CPLX2: variants seen among roughly 807,000 people sequenced by gnomAD.
The protein encoded by CPLX2 is complexin 2.
Under a neutral mutation model 16.3 loss-of-function variants are expected in CPLX2, and 5 were observed. The observed-to-expected ratio is 0.31, with a 90% CI of 0.16 to 0.64. The LOEUF is 0.64. Ranked by LOEUF, CPLX2 falls within the 30% of genes least tolerant of loss-of-function variation. The pLI is 0.79. For missense variants in CPLX2, 144 were observed against 181.4 expected, an observed-to-expected ratio of 0.79 and a Z score of 1.18; for synonymous variants, 89 against 73.2, an observed-to-expected ratio of 1.22 and a Z score of -1.10.
At chr5:175,802,408 T>C (rs1758116119) in intron 1 of CPLX2, among the ~76,000 whole-genome samples, 1 of 152,198 alleles carries the variant, frequency 6.6e-6, no homozygotes, top group Non-Finnish European at 1.5e-5. Context: ...AAACTGTTCC[T>C]CAGACATTCA....
chr5:175,844,445 T>G (rs1409045715), intron 2 of CPLX2, among the ~76,000 whole-genome samples: 1 of 152,236 alleles, frequency 6.6e-6, no homozygotes, highest in Non-Finnish European at 1.5e-5. Flanking sequence ...GAGCCTGCTC[T>G]CTTGAGGCTT....
At position 175,879,102 on chromosome 5, in the gene CPLX2, C is replaced by CCCGT. The variant is rs1561793483; in HGVS notation, c.207+22_207+25dup. The CCCGT allele has an allele frequency of 6.4e-7, 1 of 1,551,824 alleles. No individual in the cohort carries two copies. Among genetic ancestry groups the CCCGT allele is most frequent in the African/African-American group, 1.4e-5 (1 of 73,424 alleles). On this transcript the variant is annotated intron_variant, in intron 3 of 3. Transcript: ENST00000393745. ...AGATAAGGTCAGCTCCGCCCGCCCGCCCGTCCTGGGGAGGGCCACAAGCGG... is the reference window on the plus strand; with the variant it reads ...AGATAAGGTCAGCTCCGCCCGCCCGCCCGTCCGTCCTGGGGAGGGCCACAAGCGG...
At chr5:175,844,764 C>G (rs1308661999) in intron 2 of CPLX2, among the ~76,000 whole-genome samples, 1 of 152,240 alleles carries the variant, frequency 6.6e-6, no homozygotes, top group African/African-American at 2.4e-5. Flanking sequence ...TTTTTAAAAG[C>G]AGGGCGTGGA....
At chr5:175,824,684 G>A (rs1003273315) in intron 2 of CPLX2, among the ~76,000 whole-genome samples, 1 of 152,242 alleles carries the variant, frequency 6.6e-6, no homozygotes, top group Non-Finnish European at 1.5e-5. Flanking sequence ...CTACGCACCA[G>A]ACCCACTAGA....
rs573101148 is a variant in CPLX2 at position 175,842,227 on chromosome 5, C to A, written c.-89+33159C>A. ...TGGGGGCCATAAGGCCACATTTCAACCGAAAACAGCAGGTGGTAATCATTT... is the reference window on the plus strand; with the variant it reads ...TGGGGGCCATAAGGCCACATTTCAAACGAAAACAGCAGGTGGTAATCATTT... On this transcript the variant is annotated intron_variant, in intron 2 of 4. Coordinates refer to the CPLX2 transcript ENST00000359546. 5.3e-5 allele frequency among the ~76,000 whole-genome samples: 8 copies of A among 152,324 alleles called. No homozygotes were observed. The South Asian group carries it at 1.7e-3, about 32-fold the overall frequency.
At chr5:175,825,936 G>GAAAAAAAAAAAAAAAA (rs1758605266) in intron 2 of CPLX2, among the ~76,000 whole-genome samples, 1 of 15,206 alleles carries the variant, frequency 6.6e-5, no homozygotes, top group African/African-American at 7.8e-4. Context: ...ATGAATAAGT[G>GAAAAAAAAAAAAAAAA]CAAAAAAAAA....
chr5:175,798,131 AAGG>A (rs1417436235), intron 1 of CPLX2, among the ~76,000 whole-genome samples: 2 of 152,184 alleles, frequency 1.3e-5, no homozygotes, highest in African/African-American at 4.8e-5. Flanking sequence ...TCCCACATGC[AAGG>A]AGAATAGCAG....
chr5:175,846,013 G>C (rs557507085), intron 2 of CPLX2, among the ~76,000 whole-genome samples: 2 of 152,220 alleles, frequency 1.3e-5, no homozygotes, highest in South Asian at 4.2e-4. Flanking sequence ...ACCTTAGTGA[G>C]GGCACTAAGG....
intron 2 of CPLX2, among the ~76,000 whole-genome samples, chr5:175,823,788 G>A (rs1206706161): frequency 6.6e-6 from 1 of 152,096 alleles, no homozygotes; most frequent in Non-Finnish European, 1.5e-5. Context: ...ACTACTTGAG[G>A]TGACAGCACA....
chr5:175,821,996 C>T (rs1394474121), intron 2 of CPLX2, among the ~76,000 whole-genome samples: 7 of 152,158 alleles, frequency 4.6e-5, no homozygotes, highest in Admixed American at 6.5e-5. Context: ...CCTTGAAATA[C>T]GATCATGCAA....
intron 3 of CPLX2, 63 bp downstream of exon 3, chr5:175,879,146 A>C (rs1581107449): frequency 6.7e-7 from 1 of 1,488,970 alleles, no homozygotes; most frequent in Non-Finnish European, 9.0e-7. Flanking sequence ...GGTCCAGCTA[A>C]AGCCCCTGCT....
intron 2 of CPLX2, among the ~76,000 whole-genome samples, chr5:175,851,546 G>A (rs933482928): frequency 2.6e-5 from 4 of 152,202 alleles, no homozygotes; most frequent in African/African-American, 7.2e-5. Context: ...TGTGAAATGG[G>A]CGTAATAACT....
At chr5:175,867,381 A>C (rs975862262), upstream of CPLX2, among the ~76,000 whole-genome samples, 1 of 152,100 alleles carries the variant, frequency 6.6e-6, no homozygotes, top group African/African-American at 2.4e-5. Flanking sequence ...TTTCATACTG[A>C]TGGTAACACC....
intron 2 of CPLX2, among the ~76,000 whole-genome samples, chr5:175,833,947 C>G (rs1026228416): frequency 2.6e-5 from 4 of 152,100 alleles, no homozygotes; most frequent in African/African-American, 9.7e-5. Flanking sequence ...CACTTAGTTT[C>G]CATGCATGGC....
chr5:175,876,600 G>C (rs1581105466), intron 1 of CPLX2, among the ~76,000 whole-genome samples: 1 of 152,246 alleles, frequency 6.6e-6, no homozygotes, highest in Admixed American at 6.5e-5. Context: ...ATGGGAGAAA[G>C]GGCCTGGAAG....
chr5:175,812,462 T>C (rs1758329151), intron 2 of CPLX2, among the ~76,000 whole-genome samples: 1 of 152,234 alleles, frequency 6.6e-6, no homozygotes, highest in Non-Finnish European at 1.5e-5. Flanking sequence ...GTACAGATTT[T>C]AGACATCAGT....
chr5:175,871,444 A>AGGGAGAGAGAGAGAGG, upstream of CPLX2: 1 of 91,290 alleles, frequency 1.1e-5, no homozygotes, highest in Non-Finnish European at 2.6e-5. Context: ...AGAGAGAGAG[A>AGGGAGAGAGAGAGAGG]GAGAGAGAGA....
In CPLX2 at chr5:175,818,755, G is replaced by A. The variant is rs531765054; in HGVS notation, c.-89+9687G>A. On this transcript the variant is annotated intron_variant, in intron 2 of 4. Coordinates refer to the CPLX2 transcript ENST00000359546. ...CGGTTCACTGCAACCTCTGTCTCCC[G>A]GGTTCAAGCGATTCTCCTGCCTCAG... Among the ~76,000 whole-genome samples, 76 of 138,736 alleles carry A rather than the reference G, an allele frequency of 5.5e-4. 2 individuals carry two copies. Among genetic ancestry groups the A allele is most frequent in the Admixed American group, 4.1e-4 (5 of 12,176 alleles). The allele number at this position is 138,736 out of a possible 152,430, so 91.0% of individuals were successfully genotyped here.
chr5:175,818,411 G>A (rs984931389), intron 2 of CPLX2, among the ~76,000 whole-genome samples: 11 of 152,134 alleles, frequency 7.2e-5, no homozygotes, highest in Admixed American at 2.6e-4. Context: ...CCCAGGCTAG[G>A]AGGAAGCCAT....
Sources: gnomAD v4.1 joint callset for allele counts (sites outside exome capture counted in the v4.1 genomes callset) on GRCh38, gnomAD v4.1.1 for gene constraint, MANE v1.5 for transcripts, NCBI Gene and HGNC (gene_info 2026-07-23, HGNC 2026-07-21) for gene names.